CROCC2: variants seen among roughly 807,000 people sequenced by gnomAD.
CROCC2 encodes the protein ciliary rootlet coiled-coil protein 2.
Under a neutral mutation model 177.6 loss-of-function variants are expected in CROCC2, and 163 were observed. The observed-to-expected ratio is 0.92, with a 90% confidence interval of 0.81 to 1.05. The LOEUF is 1.05. CROCC2 is among the 50% of genes least tolerant of loss of function. CROCC2 has a pLI of 0.00. For synonymous variants in CROCC2, 904 were observed against 787.3 expected (o/e 1.15, Z -2.48); for missense variants, 1,929 against 1,797.8 (o/e 1.07, Z -1.32).
intron 14 of CROCC2, among the ~76,000 whole-genome samples, chr2:240,942,745 C>T (rs1224323334): frequency 1.3e-5 from 2 of 152,046 alleles, no homozygotes; most frequent in African/African-American, 2.4e-5. Context: ...CTGGCTTATC[C>T]CAGGGTATAA....
At chr2:240,933,012 TCCAGGGAGGGGCC>T (rs66946477) in intron 9 of CROCC2, 104 bp downstream of exon 9, 273,910 of 1,509,554 alleles carry the variant, frequency 0.18, 26,460 homozygotes, top group African/African-American at 0.24. Context: ...GCCCCATGGC[TCCAGGGAGGGGCC>T]CCAGTGTCGG....
intron 28 of CROCC2, 146 bp from the exon 29 acceptor site, chr2:240,988,593 C>G: frequency 1.2e-6 from 1 of 818,622 alleles, no homozygotes; most frequent in Non-Finnish European, 1.7e-6. Context: ...GGGTCCTGGC[C>G]CAGGGCAGTG....
rs868552822 is a variant in CROCC2, at chr2:240,934,434, G to A, written c.1750G>A (p.Val584Met). ...LSTAQLQRDV[V>M]ESEREGLRSA... ...CACAGCACAGCTGCAGCGGGATGTCGTGGAGAGTGAGAGGGAGGGACTGCG... is the reference window on the plus strand; with the variant it reads ...CACAGCACAGCTGCAGCGGGATGTCATGGAGAGTGAGAGGGAGGGACTGCG... Residue 584 changes from valine (V) to methionine (M), a missense_variant, in exon 12 of 32, where the codon GTG becomes ATG. Val to Met is a conservative substitution (Grantham distance 21, BLOSUM62 1). Coordinates refer to ENST00000690015, the MANE Select transcript of CROCC2 (RefSeq NM_001351305.2). 1.5e-5 allele frequency: 24 copies of A among 1,548,554 alleles called. No homozygotes were observed. Among genetic ancestry groups the A allele is most frequent in the African/African-American group, 1.2e-4 (9 of 73,120 alleles).
At chr2:240,944,095 A>G (rs2059509620) in intron 14 of CROCC2, among the ~76,000 whole-genome samples, 1 of 152,226 alleles carries the variant, frequency 6.6e-6, no homozygotes, top group African/African-American at 2.4e-5. Context: ...CTGGGTATAG[A>G]ATACTAAAAT....
At chr2:240,974,181 C>T (rs1355404614) in intron 27 of CROCC2, among the ~76,000 whole-genome samples, 1 of 152,168 alleles carries the variant, frequency 6.6e-6, no homozygotes, top group East Asian at 1.9e-4. Flanking sequence ...ATATCTGTTT[C>T]TCTCCTTCGT....
intron 1 of CROCC2, among the ~76,000 whole-genome samples, chr2:240,911,798 C>T (rs1407497641): frequency 6.6e-6 from 1 of 152,084 alleles, no homozygotes; most frequent in Non-Finnish European, 1.5e-5. Context: ...CGAGGTCCAC[C>T]CATGTTGTAG....
chr2:240,906,940 C>T lies in CROCC2; in HGVS notation c.78+349C>T, dbSNP rs9712304. Among the ~76,000 whole-genome samples the T allele has an allele frequency of 4.2e-4, 24 of 56,772 alleles. 1 individual carries two copies. Among genetic ancestry groups the T allele is most frequent in the East Asian group, 1.6e-3 (3 of 1,934 alleles). 37.2% of individuals were successfully genotyped at this position (56,772 alleles called of 152,430 possible). A position where few individuals can be genotyped will look rare whatever the true frequency, so the allele number is the denominator to read the frequency against. ...TGCTGGCTGTGGATGCTCAGGTGGC[C>T]GGCGTCCCTGGCAGCCACAGGTTTG... On this transcript the variant is annotated intron_variant, in intron 1 of 31. Coordinates refer to ENST00000690015, the MANE Select transcript of CROCC2 (RefSeq NM_001351305.2).
At position 240,991,304 on chromosome 2, in the gene CROCC2, C is replaced by T. The variant is rs760039104; in HGVS notation, c.4946+26C>T. ...GTGAGCCCTGCTGCATACCACCCAG[C>T]AGCCTAGCTGCCTTCAGCCCTGACT... On this transcript the variant is annotated intron_variant, in intron 31 of 31. Transcript: ENST00000690015. 7.7e-5 allele frequency: 119 copies of T among 1,538,710 alleles called. 1 individual carries two copies. Among genetic ancestry groups the T allele is most frequent in the Admixed American group, 6.4e-4 (32 of 50,304 alleles).
At chr2:240,990,220 C>T (rs957081020) in intron 30 of CROCC2, among the ~76,000 whole-genome samples, 4 of 152,194 alleles carry the variant, frequency 2.6e-5, no homozygotes, top group African/African-American at 9.7e-5. Context: ...CTGCACCTGT[C>T]CTTCAGAGTC....
chr2:240,970,034 A>G (rs1411317023), intron 27 of CROCC2, among the ~76,000 whole-genome samples: 1 of 152,160 alleles, frequency 6.6e-6, no homozygotes, highest in Non-Finnish European at 1.5e-5. Context: ...CCAGTTCTGA[A>G]ATACACCTTT....
At chr2:240,911,001 G>C (rs1245368819) in intron 1 of CROCC2, among the ~76,000 whole-genome samples, 2 of 151,974 alleles carry the variant, frequency 1.3e-5, no homozygotes, top group Non-Finnish European at 2.9e-5. Flanking sequence ...CATGATGGCA[G>C]GCGCCTGTAA....
At chr2:240,911,262 G>A (rs956994481) in intron 1 of CROCC2, among the ~76,000 whole-genome samples, 11 of 150,148 alleles carry the variant, frequency 7.3e-5, no homozygotes, top group East Asian at 2.0e-4. Flanking sequence ...CATTCGTAGC[G>A]TTGAGCAACC....
At chr2:240,969,452 C>A (rs2059706932) in intron 27 of CROCC2, among the ~76,000 whole-genome samples, 1 of 152,196 alleles carries the variant, frequency 6.6e-6, no homozygotes, top group Non-Finnish European at 1.5e-5. Context: ...CATTAGCCAG[C>A]AGTTTGGAAA....
intron 15 of CROCC2, among the ~76,000 whole-genome samples, chr2:240,947,255 G>A (rs372817804): frequency 2.0e-5 from 3 of 152,238 alleles, no homozygotes; most frequent in Non-Finnish European, 2.9e-5. Context: ...AGGCTGCTGC[G>A]GGTTGGGCTC....
intron 31 of CROCC2, among the ~76,000 whole-genome samples, chr2:240,992,291 C>T (rs963944468): frequency 4.6e-5 from 7 of 152,196 alleles, no homozygotes; most frequent in African/African-American, 1.7e-4. Flanking sequence ...GCCACAGGGG[C>T]CTCCCGTCCC....
chr2:240,934,956 G>A lies in CROCC2; in HGVS notation c.1832G>A (p.Arg611Gln), dbSNP rs778863160. ...SNADLELLVRRLKSEGVEQRD... is the reference protein window; with the variant it reads ...SNADLELLVRQLKSEGVEQRD... ...GCGGACCTGGAGCTTCTTGTGAGGC[G>A]GCTGAAGTCGGAGGGAGTGGAGCAA... The change falls in exon 13 of 32, where the codon CGG (arginine) becomes CAG (glutamine). Residue 611 changes from arginine (R) to glutamine (Q), a missense_variant. Physicochemically the swap from Arg to Gln is conservative, Grantham distance 43. Transcript: ENST00000690015. The A allele has an allele frequency of 2.9e-5, 44 of 1,518,418 alleles. No individual in the cohort carries two copies. The highest frequency in any genetic ancestry group is 3.7e-5 in the South Asian group (3 of 80,240). 94.1% of individuals were successfully genotyped at this position (1,518,418 alleles called of 1,614,324 possible). A position where few individuals can be genotyped will look rare whatever the true frequency, so the allele number is the denominator to read the frequency against.
chr2:240,967,051 G>A (rs530664916), intron 25 of CROCC2, among the ~76,000 whole-genome samples: 1 of 152,214 alleles, frequency 6.6e-6, no homozygotes, highest in South Asian at 2.1e-4. Context: ...CAGGCTGTGG[G>A]CCGCCACCTG....
At position 240,967,417 on chromosome 2, in the gene CROCC2, C is replaced by T. The variant is rs1281194064; in HGVS notation, c.4219C>T (p.Gln1407Ter). ...SEAECRCARA[Q>*]SRVGQLQKAL... ...GGCAGAGTGCAGGTGTGCCCGGGCCCAGAGCCGCGTGGGGCAGCTGCAGAA... is the reference window on the plus strand; with the variant it reads ...GGCAGAGTGCAGGTGTGCCCGGGCCTAGAGCCGCGTGGGGCAGCTGCAGAA... Residue 1407 changes from glutamine (Q) to a stop codon, truncating the protein, a stop_gained, in exon 26 of 32, where the codon CAG (glutamine) becomes TAG (stop). Coordinates refer to ENST00000690015, the MANE Select transcript of CROCC2 (RefSeq NM_001351305.2). LOFTEE classifies it high-confidence loss of function. 5 of 1,170,168 alleles carry T rather than the reference C, an allele frequency of 4.3e-6. No homozygotes were observed. Among genetic ancestry groups the T allele is most frequent in the Non-Finnish European group, 6.3e-6 (5 of 799,816 alleles). The allele number at this position is 1,170,168 out of a possible 1,614,324, so 72.5% of individuals were successfully genotyped here.
intron 4 of CROCC2, among the ~76,000 whole-genome samples, chr2:240,925,170 G>A (rs1035674272): frequency 7.2e-5 from 11 of 152,226 alleles, no homozygotes. Flanking sequence ...TTGAAAACCA[G>A]TTTTGAGGGG....
Sources: gnomAD v4.1 joint callset for allele counts (sites outside exome capture counted in the v4.1 genomes callset) on GRCh38, gnomAD v4.1.1 for gene constraint, MANE v1.5 for transcripts, NCBI Gene and HGNC (gene_info 2026-07-23, HGNC 2026-07-21) for gene names.